ZNF385B: variants seen among roughly 807,000 people sequenced by gnomAD.
The protein encoded by ZNF385B is zinc finger protein 533.
In ZNF385B, 23 loss-of-function variants were observed where a neutral mutation model predicts 39.2. The observed-to-expected ratio is 0.59, with a 90% CI of 0.42 to 0.83. The LOEUF is 0.83. ZNF385B is among the 40% of genes least tolerant of loss of function. The pLI, the probability that ZNF385B is intolerant of heterozygous loss-of-function variation, is 0.00. For synonymous variants in ZNF385B, 205 were observed against 222.6 expected (o/e 0.92, Z 0.70); for missense variants, 552 against 598.9 (o/e 0.92, Z 0.82).
chr2:179,777,965 T>C (rs1376288754), intron 1 of ZNF385B, among the ~76,000 whole-genome samples: 1 of 151,978 alleles, frequency 6.6e-6, no homozygotes, highest in Non-Finnish European at 1.5e-5. Context: ...TAGAGACGGC[T>C]TCACCATGTT....
chr2:179,538,606 A>C (rs1246421045), intron 4 of ZNF385B, among the ~76,000 whole-genome samples: 1 of 152,244 alleles, frequency 6.6e-6, no homozygotes, highest in Non-Finnish European at 1.5e-5. Context: ...AATCATATAA[A>C]TCATTTCATA....
intron 3 of ZNF385B, among the ~76,000 whole-genome samples, chr2:179,767,738 T>C (rs961485021): frequency 2.0e-5 from 3 of 152,072 alleles, no homozygotes; most frequent in African/African-American, 7.2e-5. Flanking sequence ...GCTGTTTCAC[T>C]TAGCATTATA....
chr2:179,788,534 G>A (rs781627701), intron 1 of ZNF385B, among the ~76,000 whole-genome samples: 152 of 152,190 alleles, frequency 1.0e-3, no homozygotes, highest in Non-Finnish European at 2.0e-3. Context: ...GTATGATATG[G>A]CTGTCAGGAA....
In ZNF385B at chr2:179,498,407, T is replaced by C. The variant is rs189917022; in HGVS notation, c.553-14973A>G. ...AATATATATTCTTTTCCTCAACACA[T>C]GGATCATTCTCAAGAACAGATTTAA... is the stretch of plus-strand genomic sequence containing the variant. On this transcript the variant is annotated intron_variant, in intron 5 of 9. Coordinates refer to ENST00000410066, the MANE Select transcript of ZNF385B (RefSeq NM_152520.6). Among the ~76,000 whole-genome samples, 279 of 152,098 alleles carry C rather than the reference T, an allele frequency of 1.8e-3. 1 individual carries two copies. The highest frequency in any genetic ancestry group is 8.4e-3 in the Admixed American group (128 of 15,244).
At chr2:179,493,784 C>CATGTATATGCAT (rs2055798912) in intron 5 of ZNF385B, among the ~76,000 whole-genome samples, 1 of 88,512 alleles carries the variant, frequency 1.1e-5, no homozygotes, top group African/African-American at 4.2e-5. Flanking sequence ...TGTATATACA[C>CATGTATATGCAT]ATATGTATAC....
intron 4 of ZNF385B, among the ~76,000 whole-genome samples, chr2:179,522,357 A>G (rs1180773341): frequency 6.6e-6 from 1 of 152,218 alleles, no homozygotes; most frequent in Non-Finnish European, 1.5e-5. Context: ...TTGCTAGTGC[A>G]TTACTAGTTC....
chr2:179,816,014 A>G (rs1707042235), intron 1 of ZNF385B, among the ~76,000 whole-genome samples: 1 of 152,086 alleles, frequency 6.6e-6, no homozygotes, highest in Non-Finnish European at 1.5e-5. Context: ...ACACACACAC[A>G]CACACACACC....
intron 3 of ZNF385B, among the ~76,000 whole-genome samples, chr2:179,700,674 G>A (rs1457719255): frequency 6.6e-6 from 1 of 152,144 alleles, no homozygotes; most frequent in Non-Finnish European, 1.5e-5. Context: ...GAGACAATGT[G>A]TCCCAATTTT....
chr2:179,567,710 G>A (rs1684760611), intron 3 of ZNF385B, among the ~76,000 whole-genome samples: 1 of 152,164 alleles, frequency 6.6e-6, no homozygotes, highest in African/African-American at 2.4e-5. Context: ...TGTGAAGGCA[G>A]GACTTGAGCA....
intron 3 of ZNF385B, among the ~76,000 whole-genome samples, chr2:179,748,010 G>C (rs936659922): frequency 2.0e-5 from 3 of 152,110 alleles, no homozygotes; most frequent in African/African-American, 7.2e-5. Context: ...TTCGGAAATT[G>C]CAAGTAAGAG....
intron 6 of ZNF385B, among the ~76,000 whole-genome samples, chr2:179,462,426 T>A (rs80125296): frequency 6.6e-6 from 1 of 152,208 alleles, no homozygotes; most frequent in South Asian, 2.1e-4. Context: ...CAAACCTGTA[T>A]GTATGTAAAC....
chr2:179,607,967 T>C (rs1390099531), intron 3 of ZNF385B, among the ~76,000 whole-genome samples: 2 of 139,690 alleles, frequency 1.4e-5, no homozygotes, highest in Non-Finnish European at 3.0e-5. Flanking sequence ...CAGGCTGGAG[T>C]GCAATGGCGC....
At chr2:179,823,251 G>T (rs1707503857) in intron 1 of ZNF385B, among the ~76,000 whole-genome samples, 1 of 152,080 alleles carries the variant, frequency 6.6e-6, no homozygotes, top group South Asian at 2.1e-4. Flanking sequence ...ACATAGAACT[G>T]CTATGCTGTA....
rs781539252 is a variant in ZNF385B, at chr2:179,483,432, G to T, written c.555C>A (p.Ser185Arg). 1.2e-6 allele frequency: 2 copies of T among 1,613,658 alleles called. No homozygotes were observed. Among genetic ancestry groups the T allele is most frequent in the Non-Finnish European group, 1.7e-6 (2 of 1,179,772 alleles). The change falls in exon 6 of 10, where the codon AGC becomes AGA. Residue 185 changes from serine (S) to arginine (R), a missense_variant and splice_region_variant. Transcript: ENST00000410066. ...NVCQLRFNSD[S>R]QAEAHYKGSK... ...TTCCTTTGTAGTGGGCCTCGGCCTG[G>T]CTCTACAAAGGAGAACAAATCAGGC...
chr2:179,655,075 G>C (rs772894558), intron 3 of ZNF385B, among the ~76,000 whole-genome samples: 5 of 152,166 alleles, frequency 3.3e-5, no homozygotes, highest in Non-Finnish European at 7.4e-5. Context: ...TGGAAAGCTA[G>C]GAAAGGTTTT....
intron 3 of ZNF385B, among the ~76,000 whole-genome samples, chr2:179,731,468 T>C (rs2106428928): frequency 6.6e-6 from 1 of 152,354 alleles, no homozygotes; most frequent in African/African-American, 2.4e-5. Flanking sequence ...GTGGTGCTTC[T>C]TTCAAAAACT....
intron 5 of ZNF385B, among the ~76,000 whole-genome samples, chr2:179,498,795 A>G (rs2056487435): frequency 6.6e-6 from 1 of 151,888 alleles, no homozygotes; most frequent in South Asian, 2.1e-4. Flanking sequence ...GAGCAGACCA[A>G]ACCCACATTT....
intron 3 of ZNF385B, among the ~76,000 whole-genome samples, chr2:179,681,798 G>A (rs1308967715): frequency 1.3e-5 from 2 of 152,182 alleles, no homozygotes; most frequent in Non-Finnish European, 2.9e-5. Flanking sequence ...GTATGCAGTG[G>A]CACAAACTTT....
At chr2:179,748,536 C>T (rs1702506381) in intron 3 of ZNF385B, among the ~76,000 whole-genome samples, 3 of 152,100 alleles carry the variant, frequency 2.0e-5, no homozygotes, top group Admixed American at 6.6e-5. Flanking sequence ...AAAAAATAAC[C>T]TTTGCCTTAT....
Sources: gnomAD v4.1 joint callset for allele counts (sites outside exome capture counted in the v4.1 genomes callset) on GRCh38, gnomAD v4.1.1 for gene constraint, MANE v1.5 for transcripts, NCBI Gene and HGNC (gene_info 2026-07-23, HGNC 2026-07-21) for gene names.